The following SFXN4 variants were observed in gnomAD, a reference collection of about 807,000 sequenced individuals.
SFXN4 encodes sideroflexin-4.
SFXN4 carries 48 observed loss-of-function variants against 54.6 expected under a neutral mutation model. The observed-to-expected ratio is 0.88, with a 90% confidence interval of 0.70 to 1.12. SFXN4 has a LOEUF of 1.12. Ranked by LOEUF, SFXN4 falls within the 50% of genes most tolerant of loss-of-function variation. The probability of loss-of-function intolerance (pLI) is 0.00; values close to 1 mark genes in which losing one functional copy is unlikely to be tolerated. For missense variants in SFXN4, 383 were observed against 409.2 expected (o/e 0.94, Z 0.55); for synonymous variants, 130 against 145.5 (o/e 0.89, Z 0.77).
At position 119,140,842 on chromosome 10, in the gene SFXN4, CA is replaced by C. The variant is rs1846490949; in HGVS notation, c.*399del. 6.2e-6 allele frequency: 1 copy of C among 162,514 alleles called. No homozygotes were observed. The highest frequency in any genetic ancestry group is 6.4e-5 in the Admixed American group (1 of 15,662). 10.1% of individuals were successfully genotyped at this position (162,514 alleles called of 1,614,324 possible). A position where few individuals can be genotyped will look rare whatever the true frequency, so the allele number is the denominator to read the frequency against. Reference sequence around the variant, plus strand: ...GGGTTGGAGGGCGTAAACAGCGCCCCAGGGGTACGTGTTCCGCTTGAGACGG... The same window carrying C: ...GGGTTGGAGGGCGTAAACAGCGCCCCGGGGTACGTGTTCCGCTTGAGACGG... On this transcript the variant is annotated 3_prime_UTR_variant, in exon 14 of 14. Coordinates refer to ENST00000355697, the MANE Select transcript of SFXN4 (RefSeq NM_213649.2).
chr10:119,159,794 T>C, intron 5 of SFXN4, 41 bp from the exon 6 acceptor site: 1 of 1,613,322 alleles, frequency 6.2e-7, no homozygotes, highest in Non-Finnish European at 8.5e-7. Context: ...TGATCACAGT[T>C]GCCCAGGCAG....
intron 2 of SFXN4, 38 bp from the exon 3 acceptor site, chr10:119,162,452 A>G (rs759730503): frequency 1.3e-6 from 2 of 1,549,746 alleles, no homozygotes; most frequent in Non-Finnish European, 1.8e-6. Context: ...AATGATCTCA[A>G]CATTGTTCAG....
intron 11 of SFXN4, among the ~76,000 whole-genome samples, chr10:119,149,104 C>T (rs1846943206): frequency 6.6e-6 from 1 of 152,120 alleles, no homozygotes; most frequent in South Asian, 2.1e-4. Flanking sequence ...CCAAGCTGGT[C>T]CCGACTTCCT....
At chr10:119,152,380 G>A (rs1698662150) in intron 11 of SFXN4, among the ~76,000 whole-genome samples, 1 of 151,832 alleles carries the variant, frequency 6.6e-6, no homozygotes, top group Admixed American at 6.6e-5. Context: ...CTCAGGTTCA[G>A]GCAATTCTCC....
intron 13 of SFXN4, among the ~76,000 whole-genome samples, 166 bp downstream of exon 13, chr10:119,146,070 C>G (rs1302423122): frequency 6.6e-6 from 1 of 152,182 alleles, no homozygotes; most frequent in African/African-American, 2.4e-5. Flanking sequence ...AAGCAATCTT[C>G]CCACCTTGGC....
rs747082115 is a variant in SFXN4, at chr10:119,147,764, G to A, written c.818+11C>T. The A allele has an allele frequency of 5.0e-6, 8 of 1,609,414 alleles. No individual in the cohort carries two copies. Among genetic ancestry groups the A allele is most frequent in the Admixed American group, 1.7e-5 (1 of 59,956 alleles). Reference sequence around the variant, plus strand: ...CAAATCCCTACCTGGGGATATGACCGTGTCTCTTACCTTTTAAAAAAGTAG... The same window carrying A: ...CAAATCCCTACCTGGGGATATGACCATGTCTCTTACCTTTTAAAAAAGTAG... On this transcript the variant is annotated intron_variant, in intron 12 of 13. Coordinates refer to ENST00000355697, the MANE Select transcript of SFXN4 (RefSeq NM_213649.2).
intron 13 of SFXN4, among the ~76,000 whole-genome samples, chr10:119,145,949 C>T (rs745823974): frequency 9.2e-5 from 14 of 152,216 alleles, no homozygotes; most frequent in South Asian, 4.1e-4. Context: ...CAGTCTCCTG[C>T]GCAGCTGGGA....
intron 10 of SFXN4, among the ~76,000 whole-genome samples, chr10:119,155,523 A>G (rs886099257): frequency 8.0e-5 from 12 of 150,122 alleles, no homozygotes; most frequent in African/African-American, 2.2e-4. Context: ...ACAGAGTTTC[A>G]CTCTTGTTGC....
chr10:119,164,247 G>T (rs1589652783), intron 1 of SFXN4, 51 bp from the exon 2 acceptor site: 7 of 938,822 alleles, frequency 7.5e-6, no homozygotes, highest in Non-Finnish European at 1.1e-5. Flanking sequence ...GAAAAATAAA[G>T]ATATAAATAC....
At chr10:119,157,567 C>T in intron 9 of SFXN4, 101 bp downstream of exon 9, 1 of 961,514 alleles carries the variant, frequency 1.0e-6, no homozygotes, top group Non-Finnish European at 1.6e-6. Flanking sequence ...GTCATATTTT[C>T]TAAATTGTTT....
At chr10:119,163,994 G>A in intron 2 of SFXN4, 137 bp downstream of exon 2, 1 of 612,450 alleles carries the variant, frequency 1.6e-6, no homozygotes, top group Non-Finnish European at 2.8e-6. Flanking sequence ...GAGCCGAGAT[G>A]GTGCCACTGC....
Position 119,152,229 on chromosome 10 carries a change from C to A in SFXN4, c.732+2833G>T, listed in dbSNP as rs546745030. ...TGTTTGAAAAAATGTCTCTTTCGGG[C>A]GTTTTTTTTTTTCCCCAGGGGAAAG... On this transcript the variant is annotated intron_variant, in intron 11 of 13. Coordinates refer to ENST00000355697, the MANE Select transcript of SFXN4 (RefSeq NM_213649.2). Among the ~76,000 whole-genome samples the A allele has an allele frequency of 4.8e-4, 8 of 16,590 alleles. No individual in the cohort carries two copies. In the East Asian group the frequency reaches 0.014, roughly 29 times the overall value. 10.9% of individuals were successfully genotyped at this position (16,590 alleles called of 152,430 possible).
chr10:119,148,037 T>C (rs1212316324), intron 11 of SFXN4, among the ~76,000 whole-genome samples, 177 bp from the exon 12 acceptor site: 1 of 152,066 alleles, frequency 6.6e-6, no homozygotes, highest in Non-Finnish European at 1.5e-5. Context: ...CCCGGTGTGG[T>C]GTTATGCACC....
At chr10:119,146,460 TGC>T (rs1846810356) in intron 12 of SFXN4, 107 bp from the exon 13 acceptor site, 17 of 570,242 alleles carry the variant, frequency 3.0e-5, no homozygotes, top group Non-Finnish European at 4.4e-5. Flanking sequence ...TGTGTGTGTG[TGC>T]ACGTGTGTGT....
At chr10:119,160,014 C>T (rs1238990213) in intron 5 of SFXN4, among the ~76,000 whole-genome samples, 1 of 151,712 alleles carries the variant, frequency 6.6e-6, no homozygotes, top group Non-Finnish European at 1.5e-5. Context: ...GAGACCCCCA[C>T]CTCCATAAAA....
At chr10:119,162,058 C>T (rs1161324338) in intron 3 of SFXN4, 1 of 441,702 alleles carries the variant, frequency 2.3e-6, no homozygotes, top group Non-Finnish European at 4.0e-6. Context: ...TGCAGGGAAT[C>T]CCCACAAATA....
At chr10:119,162,187 T>C (rs935468085) in intron 3 of SFXN4, 153 bp downstream of exon 3, 2 of 646,724 alleles carry the variant, frequency 3.1e-6, no homozygotes. Context: ...AATGACAGCA[T>C]TAATAGCCAA....
In SFXN4 at chr10:119,155,128, A is replaced by C; in HGVS notation, c.666T>G (p.Ile222Met). ...NVYMSRSLES[I>M]KGIAVMDKEG... is the part of the protein sequence containing the mutation. ...CCTTGTCCATGACCGCAATCCCCTT[A>C]ATGGATTCAAGACTTCGGGACATGT... is the stretch of plus-strand genomic sequence containing the variant. The change falls in exon 11 of 14, where the codon ATT (isoleucine) becomes ATG (methionine). Residue 222 changes from isoleucine (I) to methionine (M), a missense_variant. Transcript: ENST00000355697. The C allele has an allele frequency of 6.2e-7, 1 of 1,614,188 alleles. No individual in the cohort carries two copies.
chr10:119,161,966 C>T (rs555040408), intron 3 of SFXN4, among the ~76,000 whole-genome samples: 25 of 152,286 alleles, frequency 1.6e-4, no homozygotes, highest in Admixed American at 1.5e-3. Flanking sequence ...TCGGCAGGAA[C>T]GCTGCCTGCA....
Sources: gnomAD v4.1 joint callset for allele counts (sites outside exome capture counted in the v4.1 genomes callset) on GRCh38, gnomAD v4.1.1 for gene constraint, MANE v1.5 for transcripts, NCBI Gene and HGNC (gene_info 2026-07-23, HGNC 2026-07-21) for gene names.